RBFOX3: variants seen among roughly 807,000 people sequenced by gnomAD.
RBFOX3 encodes the protein RNA binding protein fox-1 homolog 3.
In RBFOX3, 17 loss-of-function variants were observed where a neutral mutation model predicts 48.7. The observed-to-expected ratio is 0.35, with a 90% CI of 0.24 to 0.52. The LOEUF (loss-of-function observed/expected upper bound fraction) is 0.52. Ranked by LOEUF, RBFOX3 falls within the 20% of genes least tolerant of loss-of-function variation. The pLI is 0.94. For synonymous variants in RBFOX3, 212 were observed against 209.5 expected (o/e 1.01, Z -0.10); for missense variants, 382 against 497.5 (o/e 0.77, Z 2.21).
intron 4 of RBFOX3, among the ~76,000 whole-genome samples, chr17:79,197,436 TGGA>T: frequency 6.8e-6 from 1 of 147,420 alleles, no homozygotes; most frequent in East Asian, 2.1e-4. Flanking sequence ...TCGCCCAGGC[TGGA>T]GTGCAGTGGC....
intron 4 of RBFOX3, among the ~76,000 whole-genome samples, chr17:79,117,462 A>G (rs950507617): frequency 1.3e-5 from 2 of 152,194 alleles, no homozygotes; most frequent in South Asian, 2.1e-4. Context: ...ACGTTAGTTC[A>G]GTGAGCACCT....
chr17:79,202,911 G>A (rs748967852), intron 4 of RBFOX3, among the ~76,000 whole-genome samples: 4 of 152,188 alleles, frequency 2.6e-5, no homozygotes, highest in Non-Finnish European at 4.4e-5. Flanking sequence ...AGCCATACAT[G>A]GAGCCCCGAG....
intron 1 of RBFOX3, among the ~76,000 whole-genome samples, chr17:79,487,300 T>A (rs2079762411): frequency 6.6e-6 from 1 of 152,130 alleles, no homozygotes; most frequent in Admixed American, 6.5e-5. Context: ...AAGGCAGAAG[T>A]CAGATGACCT....
intron 4 of RBFOX3, among the ~76,000 whole-genome samples, chr17:79,170,147 A>AGGAAGGGAGGAGGAAGG (rs1244469275): frequency 1.4e-5 from 2 of 142,578 alleles, no homozygotes; most frequent in African/African-American, 5.1e-5. Context: ...GGAGGGAAGG[A>AGGAAGGGAGGAGGAAGG]AGGAAGGGAG....
intron 2 of RBFOX3, among the ~76,000 whole-genome samples, chr17:79,417,515 C>T (rs2065571185): frequency 6.6e-6 from 1 of 152,180 alleles, no homozygotes; most frequent in Non-Finnish European, 1.5e-5. Flanking sequence ...TGACTACAAG[C>T]CAATGGGCTG....
At chr17:79,664,241 C>T in the RBFOX3 span, among the ~76,000 whole-genome samples, 1 of 151,664 alleles carries the variant, frequency 6.6e-6, no homozygotes, top group Non-Finnish European at 1.5e-5. Context: ...GTGGCGCAAT[C>T]TCAGCTCACT....
At chr17:79,244,061 G>A (rs2062781158) in intron 3 of RBFOX3, among the ~76,000 whole-genome samples, 1 of 152,166 alleles carries the variant, frequency 6.6e-6, no homozygotes, top group African/African-American at 2.4e-5. Flanking sequence ...CCACCGCACA[G>A]GGCAGAATGG....
At chr17:79,387,018 A>T (rs575141344) in intron 2 of RBFOX3, among the ~76,000 whole-genome samples, 2 of 152,188 alleles carry the variant, frequency 1.3e-5, no homozygotes, top group African/African-American at 4.8e-5. Flanking sequence ...TATTTTTTAC[A>T]TGATTTTCCC....
intron 3 of RBFOX3, among the ~76,000 whole-genome samples, chr17:79,286,461 A>G (rs1454455654): frequency 6.6e-6 from 1 of 152,124 alleles, no homozygotes; most frequent in Non-Finnish European, 1.5e-5. Flanking sequence ...GCTCCCAAAG[A>G]CCAGCAAAGC....
In RBFOX3 at chr17:79,418,560, C is replaced by G. The variant is rs933992240; in HGVS notation, c.-175+63894G>C. ...GCCCAGACATGTGAAGGTGGTCAGT[C>G]GTGGGGCCAAGTCTCAGGGCAGCAT... is the stretch of plus-strand genomic sequence containing the variant. On this transcript the variant is annotated intron_variant, in intron 2 of 14. Coordinates refer to ENST00000693108, the MANE Select transcript of RBFOX3 (RefSeq NM_001350451.2). This position sits in a 1 kb window ranked among gnomAD's most constrained non-coding sequence, Gnocchi z 5.0. 6.6e-6 allele frequency among the ~76,000 whole-genome samples: 1 copy of G among 152,180 alleles called. No homozygotes were observed. Among genetic ancestry groups the G allele is most frequent in the Non-Finnish European group, 1.5e-5 (1 of 68,020 alleles).
intron 4 of RBFOX3, among the ~76,000 whole-genome samples, chr17:79,196,359 C>T (rs2055585128): frequency 1.3e-5 from 2 of 152,184 alleles, no homozygotes; most frequent in Admixed American, 6.5e-5. Flanking sequence ...ATCTCTGCCC[C>T]GACCACCCGT....
intron 1 of RBFOX3, among the ~76,000 whole-genome samples, chr17:79,529,001 G>A (rs1477932767): frequency 6.6e-6 from 1 of 152,218 alleles, no homozygotes; most frequent in Non-Finnish European, 1.5e-5. Context: ...TTAAGTAACT[G>A]TTCCCACATA....
intron 2 of RBFOX3, among the ~76,000 whole-genome samples, chr17:79,374,621 C>T (rs967335135): frequency 3.9e-5 from 6 of 152,230 alleles, no homozygotes; most frequent in African/African-American, 9.6e-5. Context: ...GGTTGGCACA[C>T]GCACGGCACA....
At position 79,590,228 on chromosome 17, in the gene RBFOX3, G is replaced by A. The variant is rs28396868; in HGVS notation, c.-320+20598C>T. ...CAAGGCCCTGATAGGGGACAGACAC[G>A]CGCCAAGATAGCACGCGGTAAGAGA... is the stretch of plus-strand genomic sequence containing the variant. On this transcript the variant is annotated intron_variant, in intron 1 of 14. Coordinates refer to ENST00000693108, the MANE Select transcript of RBFOX3 (RefSeq NM_001350451.2). 8.3e-3 allele frequency among the ~76,000 whole-genome samples: 1,260 copies of A among 152,210 alleles called. 18 individuals are homozygous for A. The highest frequency in any genetic ancestry group is 0.029 in the African/African-American group (1,191 of 41,528).
rs1201014995 is a variant in RBFOX3, at chr17:79,097,402, G to A, written c.645C>T (p.Thr215=). 3.9e-6 allele frequency: 6 copies of A among 1,547,736 alleles called. No individual in the cohort carries two copies. The highest frequency in any genetic ancestry group is 5.2e-6 in the Non-Finnish European group (6 of 1,145,842). The change falls in exon 11 of 15, where the codon ACC becomes ACT. Residue 215 remains threonine (T), a synonymous_variant. Coordinates refer to ENST00000693108, the MANE Select transcript of RBFOX3 (RefSeq NM_001350451.2). ...CCCGGTAGGCAACGGCTGTGCCGGT[G>A]GTGGGGTAGGGGAACCCCGTCACTG... ...FYAVTGFPYP[T]TGTAVAYRGA...
chr17:79,296,316 C>T (rs1001822327), intron 3 of RBFOX3, among the ~76,000 whole-genome samples: 42 of 151,668 alleles, frequency 2.8e-4, no homozygotes, highest in African/African-American at 9.7e-4. Context: ...CACACACACA[C>T]ACACACACAC....
rs557256296 is a variant in RBFOX3 at position 79,364,778 on chromosome 17, C to T, written c.-174-56954G>A. Among the ~76,000 whole-genome samples, 3 of 152,290 alleles carry T rather than the reference C, an allele frequency of 2.0e-5. No individual in the cohort carries two copies. Among genetic ancestry groups the T allele is most frequent in the Non-Finnish European group, 2.9e-5 (2 of 68,012 alleles). On this transcript the variant is annotated intron_variant, in intron 2 of 14. Coordinates refer to ENST00000693108, the MANE Select transcript of RBFOX3 (RefSeq NM_001350451.2). The surrounding 1 kb of genome is among the most constrained non-coding windows in gnomAD (Gnocchi z 5.1). Reference sequence around the variant, plus strand: ...AGCACAGCCTCCAGGGAGAGGACCCCGCAAAGCCCCAGGATGACTACCCAG... The same window carrying T: ...AGCACAGCCTCCAGGGAGAGGACCCTGCAAAGCCCCAGGATGACTACCCAG...
intron 5 of RBFOX3, among the ~76,000 whole-genome samples, chr17:79,110,624 G>C (rs2030881302): frequency 2.0e-5 from 3 of 152,266 alleles, no homozygotes; most frequent in Admixed American, 2.0e-4. Context: ...GCCGCTGGTG[G>C]GCAGCCAGTC....
chr17:79,486,184 C>T (rs1028638281), intron 1 of RBFOX3, among the ~76,000 whole-genome samples: 21 of 152,068 alleles, frequency 1.4e-4, no homozygotes, highest in African/African-American at 2.9e-4. Context: ...GGGTTGGGAG[C>T]GTAGTTGGGG....
Sources: allele counts gnomAD v4.1 joint callset (sites outside exome capture counted in the v4.1 genomes callset), GRCh38; gene constraint gnomAD v4.1.1; non-coding constraint Gnocchi (gnomAD v3.1); transcripts MANE v1.5; gene names NCBI Gene and HGNC (gene_info 2026-07-23, HGNC 2026-07-21).